Variants in IL4 observed in about 807,000 individuals in gnomAD.
IL4 encodes the protein interleukin-4.
A neutral mutation model predicts 17.4 loss-of-function variants in IL4; 10 were observed. The observed-to-expected ratio is 0.57, with a 90% CI of 0.35 to 0.97. The LOEUF is 0.97. Ranked by LOEUF, IL4 falls within the 50% of genes least tolerant of loss-of-function variation. IL4 has a pLI of 0.01. For missense variants in IL4, 174 were observed against 187.7 expected, an observed-to-expected ratio of 0.93 and a Z score of 0.43; for synonymous variants, 87 against 79.0, an observed-to-expected ratio of 1.10 and a Z score of -0.54.
intron 2 of IL4, 31 bp from the exon 3 acceptor site, chr5:132,679,683 A>G: frequency 1.3e-5 from 20 of 1,579,930 alleles, no homozygotes; most frequent in Non-Finnish European, 1.7e-5. Flanking sequence ...TGGAGCTGGC[A>G]CATTGCTATC....
intron 2 of IL4, among the ~76,000 whole-genome samples, chr5:132,678,504 CAGAAAAAAAAATATGTA>C: frequency 6.6e-6 from 1 of 151,888 alleles, no homozygotes; most frequent in African/African-American, 2.4e-5. Flanking sequence ...TCTTGATCAT[CAGAAAAAAAAATATGTA>C]AGAACTTGAA....
Position 132,682,502 on chromosome 5 carries a change from A to C in IL4, c.377A>C (p.Lys126Thr), listed in dbSNP as rs201594156. ...GLAGLNSCPVKEANQSTLENF... is the reference protein window; with the variant it reads ...GLAGLNSCPVTEANQSTLENF... ...CTTTTGCAGAATTCCTGTCCTGTGA[A>C]GGAAGCCAACCAGAGTACGTTGGAA... Residue 126 changes from lysine to threonine, a missense_variant, in exon 4 of 4, where the codon AAG (lysine) becomes ACG (threonine). Transcript: ENST00000231449. 1 of 1,605,844 alleles carries C rather than the reference A, an allele frequency of 6.2e-7. No individual in the cohort carries two copies. The highest frequency in any genetic ancestry group is 8.5e-7 in the Non-Finnish European group (1 of 1,172,834).
intron 3 of IL4, among the ~76,000 whole-genome samples, chr5:132,681,976 A>G (rs544322534): frequency 1.2e-4 from 18 of 152,230 alleles, no homozygotes; most frequent in Non-Finnish European, 2.9e-5. Context: ...TACAATTAAT[A>G]AATGGTAGAG....
Position 132,680,862 on chromosome 5 carries a change from C to A in IL4, c.360+972C>A, listed in dbSNP as rs2243282. 0.25 allele frequency among the ~76,000 whole-genome samples: 38,694 copies of A among 152,040 alleles called. 6,447 individuals carry two copies. The highest frequency in any genetic ancestry group is 0.77 in the East Asian group (4,015 of 5,186). On this transcript the variant is annotated intron_variant, in intron 3 of 3. Transcript: ENST00000231449. The surrounding 1 kb of genome is among the most constrained non-coding windows in gnomAD (Gnocchi z 4.3). The stretch of plus-strand genomic sequence containing the variant: ...AAACCAGAAGGATTTGCTGACAGAT[C>A]GGTTGTAGGGGGTAAGATACAGGGG...
At position 132,680,128 on chromosome 5, in the gene IL4, G is replaced by A. The variant is rs1752459022; in HGVS notation, c.360+238G>A. On this transcript the variant is annotated intron_variant, in intron 3 of 3. Coordinates refer to ENST00000231449, the MANE Select transcript of IL4 (RefSeq NM_000589.4). This position sits in a 1 kb window ranked among gnomAD's most constrained non-coding sequence, Gnocchi z 4.3. ...TCTCATGGAATGTTCTAATGGGAGA[G>A]TTAGAAAAACAAACATGTAAAATGA... 2.6e-5 allele frequency among the ~76,000 whole-genome samples: 4 copies of A among 152,180 alleles called. No homozygotes were observed. In the South Asian group the frequency reaches 8.3e-4, roughly 32 times the overall value.
At chr5:132,675,845 GTT>G (rs1491192822) in intron 2 of IL4, among the ~76,000 whole-genome samples, 24 of 93,502 alleles carry the variant, frequency 2.6e-4, no homozygotes, top group African/African-American at 8.1e-4. Context: ...CTGGGCAACA[GTT>G]TATGTGTGTG....
chr5:132,682,551 GATC>G lies in IL4; in HGVS notation c.429_431del (p.Ile143del). The G allele has an allele frequency of 6.2e-7, 1 of 1,608,918 alleles. No homozygotes were observed. Among genetic ancestry groups the G allele is most frequent in the African/African-American group, 1.3e-5 (1 of 74,898 alleles). On this transcript the variant is annotated inframe_deletion, in exon 4 of 4. Transcript: ENST00000231449. ...AAAACTTCTTGGAAAGGCTAAAGACGATCATGAGAGAGAAATATTCAAAGTGTT... is the reference window on the plus strand; with the variant it reads ...AAAACTTCTTGGAAAGGCTAAAGACGATGAGAGAGAAATATTCAAAGTGTT...
chr5:132,677,950 C>T (rs1002235805), intron 2 of IL4: 4 of 152,170 alleles, frequency 2.6e-5, no homozygotes, highest in Admixed American at 2.0e-4. Context: ...GAATCAGGAA[C>T]GAGGAGTGAC....
At chr5:132,682,309 C>A (rs1752502978) in intron 3 of IL4, among the ~76,000 whole-genome samples, 177 bp from the exon 4 acceptor site, 1 of 151,924 alleles carries the variant, frequency 6.6e-6, no homozygotes, top group Non-Finnish European at 1.5e-5. Context: ...GTAGTATGCA[C>A]CCAAAATAGG....
At chr5:132,676,392 T>C (rs566255710) in intron 2 of IL4, among the ~76,000 whole-genome samples, 21 of 152,312 alleles carry the variant, frequency 1.4e-4, no homozygotes, top group African/African-American at 5.1e-4. Context: ...GGGACCGGGT[T>C]GGAAAGGATC....
rs2149881542 is a variant in IL4 at position 132,680,613 on chromosome 5, A to G, written c.360+723A>G. Reference sequence around the variant, plus strand: ...CAAGATGGCCTGTTGGGAGGCTACCACAGTAAACCAGGCTAGAGATGATGG... The same window carrying G: ...CAAGATGGCCTGTTGGGAGGCTACCGCAGTAAACCAGGCTAGAGATGATGG... On this transcript the variant is annotated intron_variant, in intron 3 of 3. Coordinates refer to ENST00000231449, the MANE Select transcript of IL4 (RefSeq NM_000589.4). This position sits in a 1 kb window ranked among gnomAD's most constrained non-coding sequence, Gnocchi z 4.3. Among the ~76,000 whole-genome samples the G allele has an allele frequency of 6.6e-6, 1 of 152,222 alleles. No individual in the cohort carries two copies. The highest frequency in any genetic ancestry group is 1.9e-4 in the East Asian group (1 of 5,158).
chr5:132,677,006 T>C (rs1334562465), intron 2 of IL4, among the ~76,000 whole-genome samples: 2 of 152,152 alleles, frequency 1.3e-5, no homozygotes, highest in African/African-American at 4.8e-5. Context: ...TGATGAAGGG[T>C]TTCTTGGGTG....
chr5:132,676,388 G>A (rs553848097), intron 2 of IL4, among the ~76,000 whole-genome samples: 27 of 152,318 alleles, frequency 1.8e-4, no homozygotes, highest in African/African-American at 5.8e-4. Flanking sequence ...GGAGGGGACC[G>A]GGTTGGAAAG....
intron 2 of IL4, among the ~76,000 whole-genome samples, chr5:132,675,551 A>G (rs1487768785): frequency 1.1e-5 from 1 of 94,926 alleles, no homozygotes. Context: ...GCAAATACAC[A>G]CTTTTTTTTT....
rs539052030 is a variant in IL4 at position 132,677,729 on chromosome 5, A to C, written c.184-1985A>C. The C allele has an allele frequency of 4.6e-5, 7 of 151,884 alleles. No homozygotes were observed. In the East Asian group the frequency reaches 9.6e-4, roughly 21 times the overall value. 9.4% of individuals were successfully genotyped at this position (151,884 alleles called of 1,614,324 possible). On this transcript the variant is annotated intron_variant, in intron 2 of 3. Coordinates refer to ENST00000231449, the MANE Select transcript of IL4 (RefSeq NM_000589.4). ...ATCTCACCAAGGTTTGTGGTAAAAG[A>C]AGCAAAGGGCTGACTTTTTGGTTTT...
chr5:132,675,929 A>ATATGTGTGTGTGTGTGTG (rs150233516), intron 2 of IL4, among the ~76,000 whole-genome samples: 3,086 of 141,002 alleles, frequency 0.022, 119 homozygotes, highest in African/African-American at 0.08. Flanking sequence ...GTGTATGTAT[A>ATATGTGTGTGTGTGTGTG]TGTGTGTGTG....
chr5:132,678,719 A>G (rs1216776999), intron 2 of IL4, among the ~76,000 whole-genome samples: 2 of 152,088 alleles, frequency 1.3e-5, no homozygotes, highest in East Asian at 1.9e-4. Flanking sequence ...GTCGGGGGAG[A>G]GGCTGGGGAT....
rs778479319 is a variant in IL4, at chr5:132,682,474, T to C, written c.361-12T>C. ...CTTACCAATGCAAGCTAATGAAATG[T>C]TTCTTTTGCAGAATTCCTGTCCTGT... On this transcript the variant is annotated splice_polypyrimidine_tract_variant and intron_variant, in intron 3 of 3. Transcript: ENST00000231449. 5.2e-6 allele frequency: 8 copies of C among 1,527,678 alleles called. No homozygotes were observed. The highest frequency in any genetic ancestry group is 2.3e-5 in the East Asian group (1 of 44,434). The allele number at this position is 1,527,678 out of a possible 1,614,324, so 94.6% of individuals were successfully genotyped here. A position where few individuals can be genotyped will look rare whatever the true frequency, so the allele number is the denominator to read the frequency against.
chr5:132,676,482 C>T (rs1752385970), intron 2 of IL4, among the ~76,000 whole-genome samples: 1 of 152,088 alleles, frequency 6.6e-6, no homozygotes, highest in Non-Finnish European at 1.5e-5. Flanking sequence ...CAGGACACTG[C>T]TGCCCTCCCG....
Sources: gnomAD v4.1 joint callset for allele counts (sites outside exome capture counted in the v4.1 genomes callset) on GRCh38, gnomAD v4.1.1 for gene constraint, Gnocchi (gnomAD v3.1) non-coding constraint, MANE v1.5 for transcripts, NCBI Gene and HGNC (gene_info 2026-07-23, HGNC 2026-07-21) for gene names.